VPS13A: variants seen among roughly 807,000 people sequenced by gnomAD.
VPS13A encodes vacuolar protein sorting 13 homolog A.
In VPS13A, 264 loss-of-function variants were observed where a neutral mutation model predicts 390.9. The ratio of observed to expected loss-of-function variants is 0.68; its 90% CI spans 0.61 to 0.75. The LOEUF is 0.75. Ranked by LOEUF, VPS13A falls within the 30% of genes least tolerant of loss-of-function variation. The pLI is 0.00. For synonymous variants in VPS13A, 1,231 were observed against 1,227.1 expected, an observed-to-expected ratio of 1.00 and a Z score of -0.07; for missense variants, 3,409 against 3,733.9, an observed-to-expected ratio of 0.91 and a Z score of 2.27.
chr9:77,352,542 A>G lies in VPS13A; in HGVS notation c.7420-867A>G, dbSNP rs180689517. Among the ~76,000 whole-genome samples the G allele has an allele frequency of 4.9e-4, 74 of 152,268 alleles. 1 individual carries two copies. The highest frequency in any genetic ancestry group is 1.5e-5 in the Non-Finnish European group (1 of 67,990). ...TACTTTGATATAAAAAGTCTTATTC[A>G]TTTGATCTGTTGATTAGTACTTTGC... is the stretch of plus-strand genomic sequence containing the variant. On this transcript the variant is annotated intron_variant, in intron 53 of 71. Transcript: ENST00000360280.
chr9:77,315,132 C>T, intron 37 of VPS13A, 121 bp from the exon 38 acceptor site: 1 of 859,226 alleles, frequency 1.2e-6, no homozygotes, highest in Non-Finnish European at 1.9e-6. Context: ...TCCCAAGAGA[C>T]ATGACTTCAG....
In VPS13A at chr9:77,314,633, A is replaced by G; in HGVS notation, c.4381A>G (p.Lys1461Glu). 1.2e-6 allele frequency: 2 copies of G among 1,612,640 alleles called. No individual in the cohort carries two copies. The highest frequency in any genetic ancestry group is 2.2e-5 in the South Asian group (2 of 91,022). ...FSLKNCILDDKRPHVKKATPR... is the reference protein window; with the variant it reads ...FSLKNCILDDERPHVKKATPR... ...ATTAAAAAACTGTATTTTAGATGAT[A>G]AAAGACCTCATGTCAAGAAAGCAAC... Residue 1461 changes from lysine (K) to glutamate (E), a missense_variant, in exon 37 of 72, where the codon AAA (lysine) becomes GAA (glutamate). Physicochemically the swap from Lys to Glu is moderately conservative, Grantham distance 56. This residue lies in a region of VPS13A where 2,717 missense variants were observed against 2,917.4 expected (regional missense o/e 0.93). Transcript: ENST00000360280.
intron 68 of VPS13A, among the ~76,000 whole-genome samples, chr9:77,394,065 G>T (rs1380028618): frequency 6.6e-6 from 1 of 151,602 alleles, no homozygotes; most frequent in Non-Finnish European, 1.5e-5. Context: ...ACCACACCCG[G>T]CACTTTTTTT....
chr9:77,366,072 T>C (rs1398822381), intron 60 of VPS13A, among the ~76,000 whole-genome samples: 1 of 152,094 alleles, frequency 6.6e-6, no homozygotes. Context: ...AATTGAAACA[T>C]ATACTTTTGG....
intron 1 of VPS13A, among the ~76,000 whole-genome samples, chr9:77,179,363 T>C (rs369653426): frequency 1.3e-5 from 2 of 152,292 alleles, no homozygotes; most frequent in East Asian, 1.9e-4. Context: ...TCTCAGCTGC[T>C]CCTTTGCAGT....
At chr9:77,187,436 G>C (rs1824405306) in intron 1 of VPS13A, among the ~76,000 whole-genome samples, 1 of 152,088 alleles carries the variant, frequency 6.6e-6, no homozygotes, top group South Asian at 2.1e-4. Context: ...TGGATATGAG[G>C]TGGTATCTTG....
At chr9:77,365,082 A>G (rs1403294814) in intron 59 of VPS13A, among the ~76,000 whole-genome samples, 1 of 152,202 alleles carries the variant, frequency 6.6e-6, no homozygotes, top group Non-Finnish European at 1.5e-5. Context: ...TGATCTGTGT[A>G]GGATGCATTA....
intron 68 of VPS13A, among the ~76,000 whole-genome samples, chr9:77,391,500 G>A (rs1372468849): frequency 6.6e-6 from 1 of 152,036 alleles, no homozygotes; most frequent in African/African-American, 2.4e-5. Flanking sequence ...TGTCAGTTAA[G>A]AATCTTTTGT....
chr9:77,273,210 T>A, intron 23 of VPS13A, 70 bp from the exon 24 acceptor site: 1 of 1,214,372 alleles, frequency 8.2e-7, no homozygotes, highest in Non-Finnish European at 1.2e-6. Context: ...GAACTTTGAA[T>A]AAACATTTTT....
chr9:77,179,382 C>G (rs981212956), intron 1 of VPS13A, among the ~76,000 whole-genome samples: 42 of 152,176 alleles, frequency 2.8e-4, no homozygotes, highest in Admixed American at 4.6e-4. Context: ...GTTGATCTCA[C>G]CCCGCCACCA....
chr9:77,391,727 T>A (rs1365443744), intron 68 of VPS13A, among the ~76,000 whole-genome samples: 2 of 152,200 alleles, frequency 1.3e-5, no homozygotes, highest in Non-Finnish European at 2.9e-5. Context: ...TATGGGAGAT[T>A]GAACATTTCA....
chr9:77,327,166 ACTGTGGT>A (rs1481619323), intron 45 of VPS13A, among the ~76,000 whole-genome samples: 1 of 152,026 alleles, frequency 6.6e-6, no homozygotes, highest in Admixed American at 6.6e-5. Flanking sequence ...CGTATCGGAA[ACTGTGGT>A]TTGATGTTTG....
chr9:77,351,296 G>A (rs574612018), intron 52 of VPS13A, 21 bp from the exon 53 acceptor site: 35 of 1,610,364 alleles, frequency 2.2e-5, no homozygotes, highest in East Asian at 4.5e-5. Context: ...AATTTAACGC[G>A]TATTTTTGCT....
chr9:77,256,305 T>C (rs1825440061), intron 22 of VPS13A, among the ~76,000 whole-genome samples: 1 of 152,182 alleles, frequency 6.6e-6, no homozygotes, highest in African/African-American at 2.4e-5. Context: ...TTCTACACTT[T>C]TTCCTTCTAC....
In VPS13A at chr9:77,227,709, T is replaced by G. The variant is rs569826543; in HGVS notation, c.1452+224T>G. 1.1e-4 allele frequency among the ~76,000 whole-genome samples: 17 copies of G among 151,526 alleles called. No individual in the cohort carries two copies. The South Asian group carries it at 2.7e-3, about 24-fold the overall frequency. On this transcript the variant is annotated intron_variant, in intron 16 of 71. Transcript: ENST00000360280. ...TTTTGTGGTTTTTTTTTTGTTTTTTTTTTTTGATAGAGATGGGGTTTCGCC... is the reference window on the plus strand; with the variant it reads ...TTTTGTGGTTTTTTTTTTGTTTTTTGTTTTTGATAGAGATGGGGTTTCGCC...
In VPS13A at chr9:77,260,789, C is replaced by T. The variant is rs549076115; in HGVS notation, c.2427+565C>T. Among the ~76,000 whole-genome samples, 3 of 152,274 alleles carry T rather than the reference C, an allele frequency of 2.0e-5. No homozygotes were observed. The East Asian group carries it at 5.8e-4, about 29-fold the overall frequency. On this transcript the variant is annotated intron_variant, in intron 23 of 71. Coordinates refer to ENST00000360280, the MANE Select transcript of VPS13A (RefSeq NM_033305.3). ...TCCTGAGCAATAACACTGTTAACTACTGCTTCTCTAGTTTTTAAAAAAATT... is the reference window on the plus strand; with the variant it reads ...TCCTGAGCAATAACACTGTTAACTATTGCTTCTCTAGTTTTTAAAAAAATT...
chr9:77,373,268 G>C (rs942601944), intron 67 of VPS13A, among the ~76,000 whole-genome samples: 1 of 148,420 alleles, frequency 6.7e-6, no homozygotes, highest in Non-Finnish European at 1.5e-5. Flanking sequence ...AAAGAGCATG[G>C]TACTGGTACC....
At chr9:77,265,057 G>A (rs1825959020) in intron 23 of VPS13A, among the ~76,000 whole-genome samples, 1 of 152,202 alleles carries the variant, frequency 6.6e-6, no homozygotes, top group South Asian at 2.1e-4. Flanking sequence ...AGGTAATCGT[G>A]TGGTTTTTGT....
intron 61 of VPS13A, 52 bp from the exon 62 acceptor site, chr9:77,368,003 A>G: frequency 2.7e-6 from 4 of 1,483,782 alleles, no homozygotes; most frequent in Non-Finnish European, 3.7e-6. Context: ...TAATATTAAA[A>G]ATACTTTCTT....
Sources: gnomAD v4.1 joint callset for allele counts (sites outside exome capture counted in the v4.1 genomes callset) on GRCh38, gnomAD v4.1.1 for gene constraint, gnomAD v4.1.1 regional missense constraint, MANE v1.5 for transcripts, NCBI Gene and HGNC (gene_info 2026-07-23, HGNC 2026-07-21) for gene names.